The following UBN1 variants were observed in gnomAD, a reference collection of about 807,000 sequenced individuals.
UBN1 encodes the protein ubinuclein 1.
In UBN1, 17 loss-of-function variants were observed where a neutral mutation model predicts 108.5. The ratio of observed to expected loss-of-function variants is 0.16; its 90% CI spans 0.11 to 0.24. The LOEUF (loss-of-function observed/expected upper bound fraction) is 0.24. Among genes scored for constraint, UBN1 ranks in the 10% least tolerant of loss-of-function variants. UBN1 has a pLI of 1.00. For missense variants in UBN1, 1,595 were observed against 1,394.4 expected (o/e 1.14, Z -2.29); for synonymous variants, 726 against 564.2 (o/e 1.29, Z -4.07).
chr16:4,853,921 A>G (rs141890048), intron 2 of UBN1, among the ~76,000 whole-genome samples: 195 of 152,192 alleles, frequency 1.3e-3, no homozygotes, highest in African/African-American at 4.6e-3. Context: ...TAGGTCACAA[A>G]ATATATTTAT....
intron 12 of UBN1, among the ~76,000 whole-genome samples, chr16:4,872,657 CG>C (rs1157568082): frequency 6.6e-6 from 1 of 152,072 alleles, no homozygotes; most frequent in Non-Finnish European, 1.5e-5. Context: ...TTAGTAGAGA[CG>C]GGGTTTCACC....
At chr16:4,879,926 G>C (rs1178586686) in intron 17 of UBN1, among the ~76,000 whole-genome samples, 157 bp from the exon 18 acceptor site, 1 of 152,150 alleles carries the variant, frequency 6.6e-6, no homozygotes, top group Non-Finnish European at 1.5e-5. Flanking sequence ...ACGAATAACT[G>C]CTGGCTGGTG....
Position 4,881,917 on chromosome 16 carries a change from AG to A in UBN1, c.*1787del, listed in dbSNP as rs1278597141. 6.6e-6 allele frequency: 1 copy of A among 152,068 alleles called. No homozygotes were observed. Among genetic ancestry groups the A allele is most frequent in the Non-Finnish European group, 1.5e-5 (1 of 68,036 alleles). The allele number at this position is 152,068 out of a possible 1,614,324, so 9.4% of individuals were successfully genotyped here. ...CTCTGCCCATAAACACCCGGGTCCC[AG>A]GCCCTCCTTCCTTTCCCTTTGGTGC... On this transcript the variant is annotated 3_prime_UTR_variant, in exon 18 of 18. Coordinates refer to ENST00000262376, the MANE Select transcript of UBN1 (RefSeq NM_001079514.3).
chr16:4,875,031 A>C lies in UBN1; in HGVS notation c.2621A>C (p.Lys874Thr), dbSNP rs1443260363. Residue 874 changes from lysine to threonine, a missense_variant, in exon 15 of 18, where the codon AAG becomes ACG. Physicochemically the swap from Lys to Thr is moderately conservative, Grantham distance 78. Transcript: ENST00000262376. ...GLSASSSSSH[K>T]TPASSSSALS... ...TCAGCCTCCAGCAGCAGCTCTCACA[A>C]GACCCCAGCCTCGTCCTCTTCTGCC... 3 of 1,614,034 alleles carry C rather than the reference A, an allele frequency of 1.9e-6. No homozygotes were observed. Among genetic ancestry groups the C allele is most frequent in the Non-Finnish European group, 2.5e-6 (3 of 1,180,024 alleles).
intron 10 of UBN1, 21 bp from the exon 11 acceptor site, chr16:4,870,823 G>T: frequency 6.2e-7 from 1 of 1,613,392 alleles, no homozygotes; most frequent in East Asian, 2.2e-5. Context: ...GGGGCCCCAT[G>T]TAATTCTATT....
At position 4,876,903 on chromosome 16, in the gene UBN1, C is replaced by T; in HGVS notation, c.3057C>T (p.Gly1019=). The change falls in exon 16 of 18, where the codon GGC becomes GGT. Residue 1019 remains glycine (G), a synonymous_variant. Coordinates refer to ENST00000262376, the MANE Select transcript of UBN1 (RefSeq NM_001079514.3). ...KGASGTVLLA[G]SSLMASPYKS... is the part of the protein sequence containing the mutation. ...CGAGTGGGACTGTGCTGCTGGCCGG[C>T]TCCTCTTTGATGGCTTCACCCTACA... The T allele has an allele frequency of 6.2e-7, 1 of 1,612,708 alleles. No individual in the cohort carries two copies. The highest frequency in any genetic ancestry group is 1.1e-5 in the South Asian group (1 of 90,892).
intron 7 of UBN1, among the ~76,000 whole-genome samples, chr16:4,867,050 G>A (rs1223887974): frequency 6.6e-6 from 1 of 152,238 alleles, no homozygotes; most frequent in Non-Finnish European, 1.5e-5. Flanking sequence ...GAGCAGAGCT[G>A]AAGATGGGCG....
At chr16:4,853,378 T>A (rs2086643932) in intron 2 of UBN1, among the ~76,000 whole-genome samples, 1 of 152,182 alleles carries the variant, frequency 6.6e-6, no homozygotes, top group Admixed American at 6.5e-5. Flanking sequence ...TTAACATAAA[T>A]TTTAAAAACA....
intron 7 of UBN1, among the ~76,000 whole-genome samples, chr16:4,864,471 C>T (rs183245701): frequency 8.5e-5 from 13 of 152,338 alleles, no homozygotes; most frequent in South Asian, 2.1e-4. Flanking sequence ...ACTACATTCT[C>T]ACATCAGCCT....
In UBN1 at chr16:4,880,395, C is replaced by T. The variant is rs1415092465; in HGVS notation, c.*263C>T. The stretch of plus-strand genomic sequence containing the variant: ...CGGTTGTTAGAGGGGCAGCTCTAGG[C>T]TGGGGCTTGCGCTGGGCCGTGGTGG... On this transcript the variant is annotated 3_prime_UTR_variant, in exon 18 of 18. Transcript: ENST00000262376. 4.2e-6 allele frequency: 2 copies of T among 473,936 alleles called. No individual in the cohort carries two copies. Among genetic ancestry groups the T allele is most frequent in the African/African-American group, 1.9e-5 (1 of 51,604 alleles). 29.4% of individuals were successfully genotyped at this position (473,936 alleles called of 1,614,324 possible).
In UBN1 at chr16:4,877,297, C is replaced by CG. The variant is rs1187769129; in HGVS notation, c.3266-83dup. ...TGCCCAGACTGGCCTGGCAGGTTAT[C>CG]GGGGGCTTTTGGCTGCTGGAGCTGC... is the stretch of plus-strand genomic sequence containing the variant. On this transcript the variant is annotated intron_variant, in intron 16 of 17. Coordinates refer to ENST00000262376, the MANE Select transcript of UBN1 (RefSeq NM_001079514.3). This position sits in a 1 kb window ranked among gnomAD's most constrained non-coding sequence, Gnocchi z 4.3. 2.6e-6 allele frequency: 4 copies of CG among 1,540,510 alleles called. No homozygotes were observed. The highest frequency in any genetic ancestry group is 1.4e-5 in the African/African-American group (1 of 73,398).
intron 1 of UBN1, among the ~76,000 whole-genome samples, chr16:4,848,951 A>G (rs1406679699): frequency 2.0e-5 from 3 of 152,100 alleles, no homozygotes; most frequent in African/African-American, 7.2e-5. Flanking sequence ...AAAATACAAA[A>G]TTAGCCGGGC....
At position 4,849,949 on chromosome 16, in the gene UBN1, C is replaced by CAAAAA. The variant is rs751842571; in HGVS notation, c.-40+1752_-40+1756dup. Among the ~76,000 whole-genome samples the CAAAAA allele has an allele frequency of 4.0e-3, 289 of 72,182 alleles. 3 individuals are homozygous for CAAAAA. Among genetic ancestry groups the CAAAAA allele is most frequent in the African/African-American group, 4.0e-3 (68 of 16,916 alleles). The allele number at this position is 72,182 out of a possible 152,430, so 47.4% of individuals were successfully genotyped here. A position where few individuals can be genotyped will look rare whatever the true frequency, so the allele number is the denominator to read the frequency against. ...CAACAGGAGTGAGGCAACTGTCTCA[C>CAAAAA]AAAAAAAAAAAAAAAAACCACAAAA... On this transcript the variant is annotated intron_variant, in intron 1 of 17. Coordinates refer to ENST00000262376, the MANE Select transcript of UBN1 (RefSeq NM_001079514.3).
In UBN1 at chr16:4,877,322, C is replaced by G. The variant is rs977479022; in HGVS notation, c.3266-63C>G. On this transcript the variant is annotated intron_variant, in intron 16 of 17. Coordinates refer to ENST00000262376, the MANE Select transcript of UBN1 (RefSeq NM_001079514.3). The surrounding 1 kb of genome is among the most constrained non-coding windows in gnomAD (Gnocchi z 4.3). ...CGGGGGCTTTTGGCTGCTGGAGCTG[C>G]TTTCCTGTTCCTGTCTTCAATGTGT... 30 of 1,563,374 alleles carry G rather than the reference C, an allele frequency of 1.9e-5. No individual in the cohort carries two copies. Among genetic ancestry groups the G allele is most frequent in the Non-Finnish European group, 2.6e-5 (30 of 1,150,218 alleles).
At chr16:4,854,737 T>G (rs1036100923) in intron 2 of UBN1, among the ~76,000 whole-genome samples, 3 of 151,492 alleles carry the variant, frequency 2.0e-5, no homozygotes, top group African/African-American at 7.3e-5. Context: ...CTGTTTTTTT[T>G]TTTGAGACAG....
chr16:4,852,944 C>G lies in UBN1; in HGVS notation c.27C>G (p.Phe9Leu), dbSNP rs774001662. 4.3e-6 allele frequency: 7 copies of G among 1,614,156 alleles called. No homozygotes were observed. Among genetic ancestry groups the G allele is most frequent in the Non-Finnish European group, 5.1e-6 (6 of 1,180,028 alleles). MSEPHRVQ[F>L]TSLPGSLNPA... ...TGTCGGAGCCCCACAGGGTCCAGTT[C>G]ACCTCTCTCCCAGGTTCCCTGAATC... is the stretch of plus-strand genomic sequence containing the variant. Residue 9 changes from phenylalanine to leucine, a missense_variant, in exon 2 of 18, where the codon TTC (phenylalanine) becomes TTG (leucine). Phe to Leu is a conservative substitution (Grantham distance 22). Transcript: ENST00000262376.
At chr16:4,848,521 G>C (rs1045221691) in intron 1 of UBN1, 1 of 152,196 alleles carries the variant, frequency 6.6e-6, no homozygotes, top group Admixed American at 6.5e-5. Flanking sequence ...GAGTCGACAC[G>C]CATTTCCCCA....
intron 13 of UBN1, 23 bp downstream of exon 13, chr16:4,872,957 A>G (rs768295347): frequency 1.9e-5 from 31 of 1,614,166 alleles, no homozygotes; most frequent in South Asian, 1.9e-4. Context: ...GTATTTTCAC[A>G]TCTCGGGACA....
chr16:4,852,665 G>T, intron 1 of UBN1: 1 of 403,754 alleles, frequency 2.5e-6, no homozygotes, highest in Non-Finnish European at 4.4e-6. Context: ...ACATGCACAG[G>T]AAAAAAGACT....
Sources: allele counts gnomAD v4.1 joint callset (sites outside exome capture counted in the v4.1 genomes callset), GRCh38; gene constraint gnomAD v4.1.1; non-coding constraint Gnocchi (gnomAD v3.1); transcripts MANE v1.5; gene names NCBI Gene and HGNC (gene_info 2026-07-23, HGNC 2026-07-21).